Variants in DTNBP1 observed in about 807,000 individuals in gnomAD.
The protein encoded by DTNBP1 is dystrobrevin binding protein 1.
DTNBP1 carries 35 observed loss-of-function variants against 42.8 expected under a neutral mutation model. The ratio of observed to expected loss-of-function variants is 0.82; its 90% CI spans 0.63 to 1.09. The LOEUF (loss-of-function observed/expected upper bound fraction) is 1.09, where lower values mean the gene tolerates loss of function less well. DTNBP1 is among the 50% of genes least tolerant of loss of function. The pLI is 0.00. For missense variants in DTNBP1, 457 were observed against 424.2 expected (o/e 1.08, Z -0.68); for synonymous variants, 171 against 162.2 (o/e 1.05, Z -0.41).
intron 1 of DTNBP1, among the ~76,000 whole-genome samples, chr6:15,661,742 T>C (rs1237094669): frequency 6.6e-6 from 1 of 152,174 alleles, no homozygotes; most frequent in Non-Finnish European, 1.5e-5. Flanking sequence ...AAGCTAAAGT[T>C]GAAAGATCCT....
At chr6:15,531,359 A>G (rs1305923517) in intron 8 of DTNBP1, among the ~76,000 whole-genome samples, 2 of 152,130 alleles carry the variant, frequency 1.3e-5, no homozygotes, top group East Asian at 1.9e-4. Context: ...ACTCTCTACA[A>G]TTTGCAGCAA....
At chr6:15,642,786 C>A (rs1364500578) in intron 3 of DTNBP1, among the ~76,000 whole-genome samples, 1 of 152,114 alleles carries the variant, frequency 6.6e-6, no homozygotes, top group Non-Finnish European at 1.5e-5. Flanking sequence ...ACAACATATA[C>A]CACAGCCATA....
intron 6 of DTNBP1, among the ~76,000 whole-genome samples, chr6:15,609,725 G>C (rs1265949294): frequency 6.6e-6 from 1 of 152,126 alleles, no homozygotes; most frequent in Non-Finnish European, 1.5e-5. Flanking sequence ...TTTCATTTTG[G>C]AAGCTTTCTT....
At chr6:15,581,993 C>T (rs1775861883) in intron 7 of DTNBP1, among the ~76,000 whole-genome samples, 1 of 149,340 alleles carries the variant, frequency 6.7e-6, no homozygotes, top group African/African-American at 2.5e-5. Flanking sequence ...AAATCAGCAT[C>T]TTTTTTTTTT....
At chr6:15,633,947 A>G (rs913871783) in intron 4 of DTNBP1, among the ~76,000 whole-genome samples, 19 of 152,216 alleles carry the variant, frequency 1.2e-4, no homozygotes, top group Admixed American at 3.3e-4. Flanking sequence ...GGTATAGTAT[A>G]AACATAACTT....
At chr6:15,541,393 G>GA (rs1773552526) in intron 7 of DTNBP1, among the ~76,000 whole-genome samples, 1 of 152,064 alleles carries the variant, frequency 6.6e-6, no homozygotes, top group African/African-American at 2.4e-5. Flanking sequence ...AATGAGGACT[G>GA]AAAAATCTAA....
chr6:15,585,875 G>A, intron 7 of DTNBP1: 1 of 1,415,930 alleles, frequency 7.1e-7, no homozygotes, highest in African/African-American at 1.4e-5. Flanking sequence ...AAGGAAGTGA[G>A]GCTGAAGCCA....
At chr6:15,650,955 C>T (rs1390923478) in intron 3 of DTNBP1, among the ~76,000 whole-genome samples, 3 of 151,958 alleles carry the variant, frequency 2.0e-5, no homozygotes, top group Non-Finnish European at 4.4e-5. Flanking sequence ...TATTAAACTC[C>T]ATGTCAATAA....
At chr6:15,643,350 T>G (rs1305199408) in intron 3 of DTNBP1, among the ~76,000 whole-genome samples, 12 of 152,166 alleles carry the variant, frequency 7.9e-5, no homozygotes, top group Non-Finnish European at 1.5e-5. Flanking sequence ...GAAGAAAAAG[T>G]AAGGAACTTG....
chr6:15,645,182 GA>G (rs1230242956), intron 3 of DTNBP1, among the ~76,000 whole-genome samples: 3 of 152,026 alleles, frequency 2.0e-5, no homozygotes, highest in South Asian at 2.1e-4. Flanking sequence ...AGACCTAGAG[GA>G]AATGGATTAA....
chr6:15,601,867 A>G (rs531724739), intron 6 of DTNBP1, among the ~76,000 whole-genome samples: 1 of 151,168 alleles, frequency 6.6e-6, no homozygotes, highest in East Asian at 1.9e-4. Flanking sequence ...AGAAAAAGAA[A>G]AAAAAAAAAA....
chr6:15,643,786 G>A (rs1316094294), intron 3 of DTNBP1, among the ~76,000 whole-genome samples: 1 of 152,106 alleles, frequency 6.6e-6, no homozygotes, highest in African/African-American at 2.4e-5. Context: ...ATGCTCAAAG[G>A]AGTTCTAAAC....
At chr6:15,643,870 C>T (rs180792979) in intron 3 of DTNBP1, among the ~76,000 whole-genome samples, 7 of 152,118 alleles carry the variant, frequency 4.6e-5, no homozygotes, top group Non-Finnish European at 1.0e-4. Flanking sequence ...ATAAAGCAAT[C>T]GCACAATAAA....
intron 7 of DTNBP1, among the ~76,000 whole-genome samples, chr6:15,536,903 G>A (rs965083059): frequency 6.6e-6 from 1 of 152,228 alleles, no homozygotes; most frequent in Non-Finnish European, 1.5e-5. Context: ...GAAGTCAGAG[G>A]AGATTATTTT....
At chr6:15,623,940 T>A (rs2082121755) in intron 5 of DTNBP1, among the ~76,000 whole-genome samples, 1 of 152,236 alleles carries the variant, frequency 6.6e-6, no homozygotes, top group Non-Finnish European at 1.5e-5. Context: ...CAAGCTAAAC[T>A]GCCTAACATC....
intron 7 of DTNBP1, among the ~76,000 whole-genome samples, chr6:15,579,355 T>C (rs1581351614): frequency 6.6e-6 from 1 of 152,166 alleles, no homozygotes. Flanking sequence ...TGCATAGAAG[T>C]AGAGACTAGA....
intron 3 of DTNBP1, among the ~76,000 whole-genome samples, chr6:15,644,261 T>A (rs934506562): frequency 6.6e-6 from 1 of 150,428 alleles, no homozygotes; most frequent in Non-Finnish European, 1.5e-5. Flanking sequence ...TAAATATATA[T>A]GTACCCAACA....
At chr6:15,636,278 G>A (rs1409720494) in intron 4 of DTNBP1, among the ~76,000 whole-genome samples, 1 of 151,296 alleles carries the variant, frequency 6.6e-6, no homozygotes, top group South Asian at 2.1e-4. Flanking sequence ...AGCCTCCCGA[G>A]TAGTTGGGAT....
chr6:15,536,438 C>T (rs1402645696), intron 7 of DTNBP1, among the ~76,000 whole-genome samples: 2 of 152,354 alleles, frequency 1.3e-5, no homozygotes, highest in Non-Finnish European at 1.5e-5. Flanking sequence ...TAACTACAGC[C>T]GTGGCTAAAA....
Sources: gnomAD v4.1 joint callset for allele counts (sites outside exome capture counted in the v4.1 genomes callset) on GRCh38, gnomAD v4.1.1 for gene constraint, MANE v1.5 for transcripts, NCBI Gene and HGNC (gene_info 2026-07-23, HGNC 2026-07-21) for gene names.